Variants in MSRA observed in about 807,000 individuals in gnomAD.
The protein encoded by MSRA is mitochondrial peptide methionine sulfoxide reductase.
In MSRA, 54 loss-of-function variants were observed where a neutral mutation model predicts 31.3. The observed-to-expected ratio is 1.73, with a 90% CI of 1.39 to 2.17. The LOEUF is 2.17. Ranked by LOEUF, MSRA falls within the 30% of genes most tolerant of loss-of-function variation. The pLI, the probability that MSRA is intolerant of heterozygous loss-of-function variation, is 0.00. For missense variants in MSRA, 507 were observed against 300.9 expected (o/e 1.69, Z -5.07); for synonymous variants, 169 against 116.5 (o/e 1.45, Z -2.90).
In MSRA at chr8:10,113,777, TA is replaced by T. The variant is rs1385242067; in HGVS notation, c.142+59127del. 3.3e-4 allele frequency among the ~76,000 whole-genome samples: 50 copies of T among 150,828 alleles called. 1 individual carries two copies. Among genetic ancestry groups the T allele is most frequent in the African/African-American group, 1.2e-3 (49 of 40,966 alleles). ...CAGGTATTTGCATTTTTTTTTTTTT[TA>T]AAAAAAAGATTATTAATTGTTTAGT... On this transcript the variant is annotated intron_variant, in intron 1 of 5. Transcript: ENST00000317173.
At chr8:10,235,636 A>T (rs1811873609) in intron 2 of MSRA, among the ~76,000 whole-genome samples, 1 of 152,152 alleles carries the variant, frequency 6.6e-6, no homozygotes, top group Non-Finnish European at 1.5e-5. Context: ...AGAGAGATAT[A>T]AAAATATGAA....
At chr8:10,074,629 T>G (rs1314086698) in intron 1 of MSRA, among the ~76,000 whole-genome samples, 3 of 152,150 alleles carry the variant, frequency 2.0e-5, no homozygotes, top group Non-Finnish European at 4.4e-5. Flanking sequence ...GAACATGGCT[T>G]TATTGATAAT....
chr8:10,286,965 T>C lies in MSRA; in HGVS notation c.332-14569T>C, dbSNP rs529622169. 3.3e-5 allele frequency among the ~76,000 whole-genome samples: 5 copies of C among 152,226 alleles called. No homozygotes were observed. The South Asian group carries it at 1.0e-3, about 31-fold the overall frequency. Reference sequence around the variant, plus strand: ...GCTGTGCTGACAAGGAAGTCGAGACTCAGAGAGGTTAAGCGATTCGTCCAA... The same window carrying C: ...GCTGTGCTGACAAGGAAGTCGAGACCCAGAGAGGTTAAGCGATTCGTCCAA... On this transcript the variant is annotated intron_variant, in intron 3 of 5. Transcript: ENST00000317173.
At chr8:10,213,122 A>G (rs1314123463) in intron 2 of MSRA, among the ~76,000 whole-genome samples, 1 of 152,140 alleles carries the variant, frequency 6.6e-6, no homozygotes, top group African/African-American at 2.4e-5. Context: ...ATCAAATGCT[A>G]GGTCTCATTC....
At chr8:10,308,025 G>C (rs1374040281) in intron 4 of MSRA, among the ~76,000 whole-genome samples, 2 of 152,222 alleles carry the variant, frequency 1.3e-5, no homozygotes, top group East Asian at 3.9e-4. Flanking sequence ...CCACAAGTTA[G>C]TGTGGGGCTG....
intron 2 of MSRA, among the ~76,000 whole-genome samples, chr8:10,231,023 G>A (rs534995679): frequency 6.6e-6 from 1 of 152,282 alleles, no homozygotes; most frequent in Admixed American, 6.5e-5. Context: ...GACCTCAGGT[G>A]ATTCCCCCCA....
At chr8:10,323,156 G>T (rs1292503284) in intron 5 of MSRA, among the ~76,000 whole-genome samples, 2 of 151,010 alleles carry the variant, frequency 1.3e-5, no homozygotes, top group Non-Finnish European at 2.9e-5. Flanking sequence ...CTCCACTTGA[G>T]CGGTGGGAGG....
At chr8:10,147,841 G>A (rs948188199) in intron 1 of MSRA, among the ~76,000 whole-genome samples, 4 of 152,200 alleles carry the variant, frequency 2.6e-5, no homozygotes, top group African/African-American at 9.7e-5. Flanking sequence ...TCACTCCAGC[G>A]AGTTCACCGC....
At chr8:10,391,255 A>C (rs1753235068) in intron 5 of MSRA, among the ~76,000 whole-genome samples, 1 of 152,158 alleles carries the variant, frequency 6.6e-6, no homozygotes, top group Non-Finnish European at 1.5e-5. Context: ...TTTATTTCTC[A>C]TTGCTACACC....
intron 5 of MSRA, among the ~76,000 whole-genome samples, chr8:10,346,802 T>A (rs1443600740): frequency 2.0e-5 from 3 of 152,236 alleles, no homozygotes; most frequent in Non-Finnish European, 4.4e-5. Flanking sequence ...ATCAAGTCCT[T>A]GCCATTTGGG....
chr8:10,060,592 G>C (rs1007185953), intron 1 of MSRA, among the ~76,000 whole-genome samples: 1 of 150,238 alleles, frequency 6.7e-6, no homozygotes, highest in Non-Finnish European at 1.5e-5. Flanking sequence ...GCTGTTTTTA[G>C]TCTAATTGAC....
chr8:10,091,882 C>G (rs1798877577), intron 1 of MSRA, among the ~76,000 whole-genome samples: 1 of 152,122 alleles, frequency 6.6e-6, no homozygotes, highest in African/African-American at 2.4e-5. Context: ...GTTGGGATTA[C>G]AGGTTTGAGC....
chr8:10,070,898 C>T (rs773428556), intron 1 of MSRA, among the ~76,000 whole-genome samples: 12 of 152,224 alleles, frequency 7.9e-5, no homozygotes, highest in Non-Finnish European at 1.3e-4. Flanking sequence ...ACCATTCACA[C>T]ATTGAAGGAT....
intron 2 of MSRA, among the ~76,000 whole-genome samples, chr8:10,215,283 A>C (rs969675249): frequency 2.6e-5 from 4 of 152,224 alleles, no homozygotes; most frequent in African/African-American, 9.6e-5. Context: ...GGAGTCCTGT[A>C]ATCCTTGTTG....
At chr8:10,147,964 C>T (rs868138965) in intron 1 of MSRA, among the ~76,000 whole-genome samples, 40 of 152,184 alleles carry the variant, frequency 2.6e-4, no homozygotes, top group Non-Finnish European at 1.3e-4. Context: ...AAAGGGGAAG[C>T]GAGTCTCCCA....
intron 2 of MSRA, among the ~76,000 whole-genome samples, chr8:10,219,128 T>A (rs565947363): frequency 7.9e-5 from 12 of 152,326 alleles, no homozygotes; most frequent in Non-Finnish European, 1.5e-4. Context: ...GCCTTCAAAC[T>A]GTTGAAATGA....
chr8:10,171,886 T>G (rs554226123), intron 1 of MSRA, among the ~76,000 whole-genome samples: 4 of 152,238 alleles, frequency 2.6e-5, no homozygotes, highest in Non-Finnish European at 5.9e-5. Flanking sequence ...TCTTGTGTAA[T>G]GTTATAAGCT....
At chr8:10,160,760 C>G (rs1804569047) in intron 1 of MSRA, among the ~76,000 whole-genome samples, 1 of 152,074 alleles carries the variant, frequency 6.6e-6, no homozygotes, top group Non-Finnish European at 1.5e-5. Flanking sequence ...GAACTCCTGA[C>G]CTCGTGATCC....
intron 1 of MSRA, among the ~76,000 whole-genome samples, chr8:10,123,521 AT>A (rs1585200196): frequency 6.6e-6 from 1 of 152,284 alleles, no homozygotes; most frequent in East Asian, 1.9e-4. Context: ...CTTTAGTTTA[AT>A]TAGATCCCAT....
Sources: gnomAD v4.1 joint callset for allele counts (sites outside exome capture counted in the v4.1 genomes callset) on GRCh38, gnomAD v4.1.1 for gene constraint, MANE v1.5 for transcripts, NCBI Gene and HGNC (gene_info 2026-07-23, HGNC 2026-07-21) for gene names.